The following SERGEF variants were observed in gnomAD, a reference collection of about 807,000 sequenced individuals.
SERGEF encodes the protein secretion-regulating guanine nucleotide exchange factor.
SERGEF carries 51 observed loss-of-function variants against 50.0 expected under a neutral mutation model. That is an observed-to-expected ratio of 1.02 (90% CI 0.81 to 1.29). SERGEF has a LOEUF of 1.29. Ranked by LOEUF, SERGEF falls within the 50% of genes most tolerant of loss-of-function variation. The pLI, the probability that SERGEF is intolerant of heterozygous loss-of-function variation, is 0.00. For synonymous variants in SERGEF, 205 were observed against 212.4 expected, an observed-to-expected ratio of 0.97 and a Z score of 0.30; for missense variants, 521 against 557.0, an observed-to-expected ratio of 0.94 and a Z score of 0.65.
At chr11:17,845,308 T>C (rs1013712969) in intron 10 of SERGEF, among the ~76,000 whole-genome samples, 1 of 152,218 alleles carries the variant, frequency 6.6e-6, no homozygotes, top group African/African-American at 2.4e-5. Context: ...CTCCTTCTTC[T>C]ACTCTCAGGC....
intron 10 of SERGEF, among the ~76,000 whole-genome samples, chr11:17,827,517 A>G (rs1196411908): frequency 2.0e-5 from 3 of 152,200 alleles, no homozygotes; most frequent in Non-Finnish European, 4.4e-5. Flanking sequence ...GTATGTTCAA[A>G]TCCTAGCCTA....
At chr11:17,870,436 G>A (rs939689544) in intron 10 of SERGEF, among the ~76,000 whole-genome samples, 1 of 152,174 alleles carries the variant, frequency 6.6e-6, no homozygotes, top group Non-Finnish European at 1.5e-5. Context: ...AGATGGAAGA[G>A]GTCATAAGTC....
intron 9 of SERGEF, among the ~76,000 whole-genome samples, chr11:17,923,469 T>C (rs1056610671): frequency 6.6e-6 from 1 of 152,186 alleles, no homozygotes; most frequent in Non-Finnish European, 1.5e-5. Flanking sequence ...ACAAATGAGC[T>C]GAGCACAGGC....
chr11:17,928,410 A>C (rs959385407), intron 9 of SERGEF, among the ~76,000 whole-genome samples: 2 of 152,174 alleles, frequency 1.3e-5, no homozygotes, highest in African/African-American at 2.4e-5. Context: ...AAAAGGGAGA[A>C]GCAGAGTGGA....
chr11:17,928,358 G>C (rs1852288838), intron 9 of SERGEF, among the ~76,000 whole-genome samples: 2 of 152,112 alleles, frequency 1.3e-5, no homozygotes, highest in African/African-American at 4.8e-5. Context: ...CAAACTCTGG[G>C]GTCACAGACC....
chr11:17,923,890 A>G (rs1158020607), intron 9 of SERGEF, among the ~76,000 whole-genome samples: 5 of 152,222 alleles, frequency 3.3e-5, no homozygotes, highest in African/African-American at 1.2e-4. Flanking sequence ...CCTTGATGGA[A>G]GAGACTGTGT....
At chr11:17,906,256 G>A (rs1590189692) in intron 9 of SERGEF, among the ~76,000 whole-genome samples, 1 of 152,152 alleles carries the variant, frequency 6.6e-6, no homozygotes, top group East Asian at 1.9e-4. Context: ...TCATTACCGT[G>A]CAGAACTCTC....
At chr11:17,869,697 TA>T (rs1851102431) in intron 10 of SERGEF, among the ~76,000 whole-genome samples, 1 of 152,152 alleles carries the variant, frequency 6.6e-6, no homozygotes. Flanking sequence ...GCTATCACGT[TA>T]GGGAATAAAT....
intron 10 of SERGEF, among the ~76,000 whole-genome samples, chr11:17,831,138 A>T (rs751578897): frequency 6.6e-6 from 1 of 152,214 alleles, no homozygotes; most frequent in Non-Finnish European, 1.5e-5. Context: ...AATAAAAATC[A>T]CTTGGTGCAC....
rs756804962 is a variant in SERGEF, at chr11:17,987,897, A to G, written c.844+700T>C. Reference sequence around the variant, plus strand: ...ATGATAACAGATCTTGGGAATTTCAAATTGGCTGGGGAACTCTGTGAAATC... The same window carrying G: ...ATGATAACAGATCTTGGGAATTTCAGATTGGCTGGGGAACTCTGTGAAATC... On this transcript the variant is annotated intron_variant, in intron 8 of 10. Coordinates refer to ENST00000265965, the MANE Select transcript of SERGEF (RefSeq NM_012139.4). Among the ~76,000 whole-genome samples the G allele has an allele frequency of 5.9e-4, 90 of 152,350 alleles. No homozygotes were observed. The Middle Eastern group carries it at 0.014, about 23-fold the overall frequency.
At chr11:17,927,818 A>T (rs1335852590) in intron 9 of SERGEF, among the ~76,000 whole-genome samples, 4 of 152,238 alleles carry the variant, frequency 2.6e-5, no homozygotes, top group Admixed American at 6.5e-5. Context: ...ACACACATTG[A>T]AATTTGAGAA....
At chr11:17,914,381 G>A (rs1852009269) in intron 9 of SERGEF, among the ~76,000 whole-genome samples, 3 of 152,076 alleles carry the variant, frequency 2.0e-5, no homozygotes, top group Admixed American at 6.6e-5. Context: ...TTGGGGTAGG[G>A]CTTGGCAAGT....
At chr11:17,814,915 T>C (rs931945644) in intron 10 of SERGEF, among the ~76,000 whole-genome samples, 1 of 152,192 alleles carries the variant, frequency 6.6e-6, no homozygotes, top group African/African-American at 2.4e-5. Flanking sequence ...CTAGGTGCGC[T>C]CAGGCCTATA....
chr11:17,926,139 T>G (rs1422662485), intron 9 of SERGEF, among the ~76,000 whole-genome samples: 1 of 152,104 alleles, frequency 6.6e-6, no homozygotes, highest in Non-Finnish European at 1.5e-5. Flanking sequence ...TGCAGACAGG[T>G]CTATGGTCTC....
At chr11:17,925,126 T>C (rs1469113397) in intron 9 of SERGEF, among the ~76,000 whole-genome samples, 1 of 152,182 alleles carries the variant, frequency 6.6e-6, no homozygotes, top group Non-Finnish European at 1.5e-5. Flanking sequence ...GAGAAATGCT[T>C]TGTATTTAAT....
chr11:17,915,044 T>C (rs1218309196), intron 9 of SERGEF, among the ~76,000 whole-genome samples: 1 of 152,240 alleles, frequency 6.6e-6, no homozygotes, highest in Non-Finnish European at 1.5e-5. Flanking sequence ...AGATGGCATA[T>C]TGACTGACAA....
chr11:18,007,094 T>C (rs1854090012), intron 2 of SERGEF, among the ~76,000 whole-genome samples: 2 of 152,240 alleles, frequency 1.3e-5, no homozygotes, highest in Admixed American at 1.3e-4. Flanking sequence ...TTAGGCACAG[T>C]GTCTAGGGCC....
chr11:18,000,060 A>G (rs1333650342), intron 5 of SERGEF, among the ~76,000 whole-genome samples: 2 of 152,166 alleles, frequency 1.3e-5, no homozygotes, highest in African/African-American at 2.4e-5. Context: ...TCTCCTTTTC[A>G]TCAGAACCAC....
At chr11:17,828,908 G>T (rs1215987828) in intron 10 of SERGEF, among the ~76,000 whole-genome samples, 1 of 152,110 alleles carries the variant, frequency 6.6e-6, no homozygotes, top group Non-Finnish European at 1.5e-5. Context: ...TGGGAACAAG[G>T]CTTCCTGTGT....
Sources: gnomAD v4.1 joint callset for allele counts (sites outside exome capture counted in the v4.1 genomes callset) on GRCh38, gnomAD v4.1.1 for gene constraint, MANE v1.5 for transcripts, NCBI Gene and HGNC (gene_info 2026-07-23, HGNC 2026-07-21) for gene names.